The following DST variants were observed in gnomAD, a reference collection of about 807,000 sequenced individuals.
DST encodes bullous pemphigoid antigen.
Under a neutral mutation model 875.2 loss-of-function variants are expected in DST, and 253 were observed. That is an observed-to-expected ratio of 0.29 (90% CI 0.26 to 0.32). DST has a LOEUF of 0.32. DST is among the 10% of genes least tolerant of loss of function. The pLI, the probability that DST is intolerant of heterozygous loss-of-function variation, is 1.00. For missense variants in DST, 8,287 were observed against 9,111.6 expected (o/e 0.91, Z 3.68); for synonymous variants, 3,124 against 3,197.1 (o/e 0.98, Z 0.77).
intron 2 of DST, among the ~76,000 whole-genome samples, chr6:56,933,445 C>A (rs1243670807): frequency 2.6e-5 from 4 of 152,220 alleles, no homozygotes; most frequent in Admixed American, 1.3e-4. Context: ...TGGCACCCTG[C>A]AAATAAATGC....
In DST at chr6:56,609,316, T is replaced by G; in HGVS notation, c.5312A>C (p.Asp1771Ala). The G allele has an allele frequency of 1.9e-6, 3 of 1,610,568 alleles. No individual in the cohort carries two copies. In the African/African-American group the frequency reaches 4.0e-5, roughly 22 times the overall value. The change falls in exon 40 of 104, where the codon GAT (aspartate) becomes GCT (alanine). Residue 1771 changes from aspartate to alanine, a missense_variant. Physicochemically the swap from Asp to Ala is moderately radical, Grantham distance 126. Transcript: ENST00000680361. ...TGAAAGGACTTCTCCAGTTGTCTGA[T>G]CAATGGTGCCTGCAATCACTTTATC... Reference protein sequence around the residue: ...KLDKVIAGTIDQTTGEVLSVF... With the variant: ...KLDKVIAGTIAQTTGEVLSVF...
intron 24 of DST, 106 bp downstream of exon 24, chr6:56,635,483 G>A: frequency 8.8e-7 from 1 of 1,139,228 alleles, no homozygotes; most frequent in Non-Finnish European, 1.3e-6. Flanking sequence ...AATTGAATTA[G>A]TGGGAAATAT....
chr6:56,942,673 T>C, intron 2 of DST, among the ~76,000 whole-genome samples: 1 of 151,746 alleles, frequency 6.6e-6, no homozygotes, highest in Non-Finnish European at 1.5e-5. Flanking sequence ...TTATAATTTG[T>C]GCTTTATATT....
chr6:56,931,998 G>A (rs889110292), intron 2 of DST, among the ~76,000 whole-genome samples: 2 of 152,128 alleles, frequency 1.3e-5, no homozygotes, highest in African/African-American at 4.8e-5. Context: ...TGTGAGGACA[G>A]GATTGGTTTT....
At chr6:56,553,826 A>T (rs1015123310) in intron 60 of DST, among the ~76,000 whole-genome samples, 171 bp from the exon 61 acceptor site, 1 of 152,214 alleles carries the variant, frequency 6.6e-6, no homozygotes, top group African/African-American at 2.4e-5. Context: ...AAAGGGGAAA[A>T]GAAGCAAGAA....
intron 5 of DST, among the ~76,000 whole-genome samples, chr6:56,712,090 C>CAAAAAAAAAAAAAA (rs34769867): frequency 4.1e-4 from 31 of 76,528 alleles, no homozygotes; most frequent in Non-Finnish European, 8.2e-4. Flanking sequence ...GACTCCGTCT[C>CAAAAAAAAAAAAAA]AAAAAAAAAA....
Position 56,631,923 on chromosome 6 carries a change from T to C in DST, c.3923A>G (p.Asp1308Gly), listed in dbSNP as rs752583092. Residue 1308 changes from aspartate to glycine, a missense_variant, in exon 29 of 104, where the codon GAT becomes GGT. Physicochemically the swap from Asp to Gly is moderately conservative, Grantham distance 94. Coordinates refer to ENST00000680361, the MANE Select transcript of DST (RefSeq NM_001374736.1). Reference protein sequence around the residue: ...IRQIRTPLERDDLHESVFRIT... With the variant: ...IRQIRTPLERGDLHESVFRIT... ...TCTGAACACACTTTCATGCAAATCA[T>C]CTCTTTCCAGGGGAGTTCGAATCTG... The C allele has an allele frequency of 6.2e-7, 1 of 1,614,088 alleles. No homozygotes were observed. Among genetic ancestry groups the C allele is most frequent in the Non-Finnish European group, 8.5e-7 (1 of 1,179,966 alleles).
Position 56,645,852 on chromosome 6 carries a change from C to A in DST, c.1778+14G>T. The stretch of plus-strand genomic sequence containing the variant: ...CCCACTTGATATTCATGGCAGAAAA[C>A]ACCTCTGGCCTACCTTTCTACTTCT... On this transcript the variant is annotated intron_variant, in intron 15 of 103. Coordinates refer to ENST00000680361, the MANE Select transcript of DST (RefSeq NM_001374736.1). The A allele has an allele frequency of 6.2e-7, 1 of 1,608,754 alleles. No homozygotes were observed. The highest frequency in any genetic ancestry group is 8.5e-7 in the Non-Finnish European group (1 of 1,178,464).
intron 69 of DST, among the ~76,000 whole-genome samples, chr6:56,524,773 A>G (rs2096767876): frequency 6.6e-6 from 1 of 152,168 alleles, no homozygotes; most frequent in African/African-American, 2.4e-5. Flanking sequence ...TTTCACTTTC[A>G]AAAGGATTTT....
chr6:56,687,569 G>T (rs901676241), intron 9 of DST, among the ~76,000 whole-genome samples: 7 of 152,104 alleles, frequency 4.6e-5, no homozygotes, highest in Non-Finnish European at 8.8e-5. Flanking sequence ...ACAGTGAATG[G>T]AGGCGTGTAA....
chr6:56,896,260 C>G lies in DST; in HGVS notation c.417+4161G>C, dbSNP rs561259128. On this transcript the variant is annotated intron_variant, in intron 3 of 103. Transcript: ENST00000680361. ...TGAATTGTATCTCCCAGAATTCCCA[C>G]GTGTTGTGGGATGGACCCAGTGGGA... 4.3e-4 allele frequency among the ~76,000 whole-genome samples: 66 copies of G among 152,218 alleles called. 1 individual carries two copies. Among genetic ancestry groups the G allele is most frequent in the Middle Eastern group, 3.4e-3 (1 of 294 alleles).
intron 4 of DST, among the ~76,000 whole-genome samples, chr6:56,746,629 G>A (rs192583409): frequency 7.9e-5 from 12 of 152,288 alleles, no homozygotes; most frequent in African/African-American, 2.9e-4. Context: ...ATCAGTAGAA[G>A]AGAGTGGAAG....
intron 9 of DST, among the ~76,000 whole-genome samples, chr6:56,684,278 CCATA>C (rs1398540619): frequency 3.9e-5 from 6 of 152,016 alleles, no homozygotes; most frequent in Non-Finnish European, 8.8e-5. Context: ...TTTTATTATT[CCATA>C]CAAAGAAAAT....
At chr6:56,891,689 G>A (rs1787599858) in intron 3 of DST, among the ~76,000 whole-genome samples, 1 of 151,940 alleles carries the variant, frequency 6.6e-6, no homozygotes, top group Non-Finnish European at 1.5e-5. Flanking sequence ...AGCCGTGATT[G>A]CGCGACTGCA....
chr6:56,777,760 A>G (rs1022921087), intron 4 of DST, among the ~76,000 whole-genome samples: 1 of 151,870 alleles, frequency 6.6e-6, no homozygotes, highest in African/African-American at 2.4e-5. Context: ...CTGGAGTACA[A>G]TGGCATGATT....
At chr6:56,641,828 A>G in intron 17 of DST, 119 bp downstream of exon 17, 2 of 796,772 alleles carry the variant, frequency 2.5e-6, no homozygotes, top group Admixed American at 3.4e-5. Context: ...CACATTTTCA[A>G]CTAAAAAACA....
At chr6:56,805,324 A>G (rs1028641014) in intron 4 of DST, among the ~76,000 whole-genome samples, 2 of 152,194 alleles carry the variant, frequency 1.3e-5, no homozygotes, top group African/African-American at 4.8e-5. Flanking sequence ...CACATTCACT[A>G]TTGGAAGACA....
chr6:56,693,841 C>G (rs1036507109), intron 9 of DST, among the ~76,000 whole-genome samples: 1 of 151,768 alleles, frequency 6.6e-6, no homozygotes, highest in Non-Finnish European at 1.5e-5. Flanking sequence ...GAGATAAGTG[C>G]TAAATGCTTA....
Position 56,714,060 on chromosome 6 carries a change from C to T in DST, c.688-9691G>A, listed in dbSNP as rs890765697. 1.3e-5 allele frequency among the ~76,000 whole-genome samples: 2 copies of T among 152,132 alleles called. No individual in the cohort carries two copies. The highest frequency in any genetic ancestry group is 4.8e-5 in the African/African-American group (2 of 41,422). On this transcript the variant is annotated intron_variant, in intron 5 of 103. Transcript: ENST00000680361. The surrounding 1 kb of genome is among the most constrained non-coding windows in gnomAD (Gnocchi z 4.5). ...CCCCCAGATGATGAGATACCACTGC[C>T]ACTGCTACAATCCGTTCTGATGCTT... is the stretch of plus-strand genomic sequence containing the variant.
Sources: gnomAD v4.1 joint callset for allele counts (sites outside exome capture counted in the v4.1 genomes callset) on GRCh38, gnomAD v4.1.1 for gene constraint, Gnocchi (gnomAD v3.1) non-coding constraint, MANE v1.5 for transcripts, NCBI Gene and HGNC (gene_info 2026-07-23, HGNC 2026-07-21) for gene names.